Variants in C12orf42 observed in about 807,000 individuals in gnomAD.
The protein encoded by C12orf42 is chromosome 12 open reading frame 42, also known as uncharacterized protein C12orf42.
In C12orf42, 25 loss-of-function variants were observed where a neutral mutation model predicts 21.6. That is an observed-to-expected ratio of 1.16 (90% CI 0.84 to 1.62). The LOEUF (loss-of-function observed/expected upper bound fraction) is 1.62. Ranked by LOEUF, C12orf42 falls within the 40% of genes most tolerant of loss-of-function variation. C12orf42 has a pLI of 0.00. For missense variants in C12orf42, 483 were observed against 459.3 expected (o/e 1.05, Z -0.47); for synonymous variants, 174 against 175.0 (o/e 0.99, Z 0.05).
the C12orf42 span, among the ~76,000 whole-genome samples, chr12:103,541,770 T>A: frequency 2.8e-4 from 43 of 152,328 alleles, no homozygotes; most frequent in African/African-American, 9.1e-4. Context: ...TAATCTTTTT[T>A]TTTTCATTAT....
the C12orf42 span, among the ~76,000 whole-genome samples, chr12:103,108,503 TTTATCATG>T: frequency 6.6e-6 from 1 of 152,054 alleles, no homozygotes; most frequent in African/African-American, 2.4e-5. Flanking sequence ...GTTAATGTAG[TTTATCATG>T]TCAGCAGATT....
At chr12:103,260,205 AAT>A (rs1174665149) in intron 10 of C12orf42, among the ~76,000 whole-genome samples, 1 of 152,036 alleles carries the variant, frequency 6.6e-6, no homozygotes, top group African/African-American at 2.4e-5. Flanking sequence ...GCTAAAAAGA[AAT>A]AGACAGGGGA....
chr12:103,062,788 T>C, the C12orf42 span, among the ~76,000 whole-genome samples: 1 of 152,106 alleles, frequency 6.6e-6, no homozygotes, highest in East Asian at 1.9e-4. Context: ...AGTCTATTAA[T>C]TTTGGATTTT....
chr12:103,468,776 A>T (rs1014804916), intron 2 of C12orf42, among the ~76,000 whole-genome samples: 1 of 152,114 alleles, frequency 6.6e-6, no homozygotes, highest in African/African-American at 2.4e-5. Context: ...TTACCTCAAG[A>T]TTCATTTTTC....
the C12orf42 span, among the ~76,000 whole-genome samples, chr12:103,539,934 G>A: frequency 2.6e-5 from 4 of 152,164 alleles, no homozygotes; most frequent in East Asian, 5.8e-4. Context: ...CATGCTAAAC[G>A]TAATCTTCTG....
the C12orf42 span, among the ~76,000 whole-genome samples, chr12:103,170,495 T>G: frequency 6.6e-6 from 1 of 152,228 alleles, no homozygotes; most frequent in South Asian, 2.1e-4. Context: ...CAAGCTTCCA[T>G]CAGCCTTCCA....
intron 2 of C12orf42, among the ~76,000 whole-genome samples, chr12:103,460,934 C>T (rs1023149829): frequency 9.2e-5 from 14 of 152,258 alleles, no homozygotes; most frequent in Admixed American, 5.9e-4. Flanking sequence ...TAGGAAGCGA[C>T]TATCCATGAT....
At chr12:103,201,232 A>C in the C12orf42 span, among the ~76,000 whole-genome samples, 1 of 152,178 alleles carries the variant, frequency 6.6e-6, no homozygotes, top group Admixed American at 6.5e-5. Context: ...TTTGCTGAGC[A>C]TACTTTTCAG....
At chr12:103,460,706 G>C (rs1952643289) in intron 2 of C12orf42, among the ~76,000 whole-genome samples, 1 of 152,118 alleles carries the variant, frequency 6.6e-6, no homozygotes, top group Non-Finnish European at 1.5e-5. Context: ...AATGTGTTTT[G>C]AGTTATAAAC....
chr12:103,372,121 T>C (rs2045298725), intron 3 of C12orf42, among the ~76,000 whole-genome samples: 2 of 152,142 alleles, frequency 1.3e-5, no homozygotes, highest in African/African-American at 4.8e-5. Flanking sequence ...AGCCGTTTCC[T>C]GTCAACCTCA....
chr12:103,092,243 A>G, the C12orf42 span, among the ~76,000 whole-genome samples: 1,627 of 152,290 alleles, frequency 0.011, 12 homozygotes, highest in South Asian at 0.019. Context: ...TTGTTTGTTT[A>G]TCATTCGCTT....
intron 2 of C12orf42, among the ~76,000 whole-genome samples, chr12:103,468,785 T>G: frequency 6.6e-6 from 1 of 152,196 alleles, no homozygotes; most frequent in Non-Finnish European, 1.5e-5. Flanking sequence ...GATTCATTTT[T>G]CCCTTTTTGT....
chr12:103,217,684 A>G, the C12orf42 span, among the ~76,000 whole-genome samples: 2 of 152,150 alleles, frequency 1.3e-5, no homozygotes, highest in African/African-American at 4.8e-5. Flanking sequence ...GAGGCTTGCC[A>G]CTACTTACAG....
the C12orf42 span, among the ~76,000 whole-genome samples, chr12:103,132,358 A>C: frequency 6.6e-6 from 1 of 151,850 alleles, no homozygotes; most frequent in Non-Finnish European, 1.5e-5. Context: ...ACATGGGAAA[A>C]AGTAGATGAG....
At chr12:103,196,667 C>T in the C12orf42 span, among the ~76,000 whole-genome samples, 17 of 152,042 alleles carry the variant, frequency 1.1e-4, no homozygotes, top group South Asian at 8.3e-4. Context: ...TTTATTATTA[C>T]GCAATACCCT....
intron 10 of C12orf42, among the ~76,000 whole-genome samples, chr12:103,239,895 G>T (rs1442386872): frequency 6.6e-6 from 1 of 152,116 alleles, no homozygotes; most frequent in Non-Finnish European, 1.5e-5. Context: ...ATGGAGACTG[G>T]CTTGCATCCT....
chr12:103,070,606 G>C, the C12orf42 span, among the ~76,000 whole-genome samples: 1 of 151,904 alleles, frequency 6.6e-6, no homozygotes, highest in Non-Finnish European at 1.5e-5. Flanking sequence ...ATCAAGGTTT[G>C]CATACATATA....
chr12:103,277,406 G>A (rs1026264806), intron 4 of C12orf42, among the ~76,000 whole-genome samples: 7 of 152,134 alleles, frequency 4.6e-5, no homozygotes, highest in East Asian at 3.9e-4. Context: ...TTAAACTATC[G>A]TATCTGCTTC....
chr12:103,160,204 A>T, the C12orf42 span, among the ~76,000 whole-genome samples: 2 of 152,356 alleles, frequency 1.3e-5, no homozygotes, highest in African/African-American at 2.4e-5. Flanking sequence ...TCCTAACATC[A>T]AAAATTCCAG....
Sources: allele counts gnomAD v4.1 joint callset (sites outside exome capture counted in the v4.1 genomes callset), GRCh38; gene constraint gnomAD v4.1.1; transcripts MANE v1.5; gene names NCBI Gene and HGNC (gene_info 2026-07-23, HGNC 2026-07-21).